Variants in MYLK4 observed in about 807,000 individuals in gnomAD.
The protein encoded by MYLK4 is myosin light chain kinase family member 4, also known as caMLCK like.
Under a neutral mutation model 48.1 loss-of-function variants are expected in MYLK4, and 46 were observed. The observed-to-expected ratio is 0.96, with a 90% CI of 0.75 to 1.22. The LOEUF (loss-of-function observed/expected upper bound fraction) is 1.22, where lower values mean the gene tolerates loss of function less well. MYLK4 is among the 50% of genes most tolerant of loss of function. The pLI is 0.00. For synonymous variants in MYLK4, 170 were observed against 180.8 expected (o/e 0.94, Z 0.48); for missense variants, 451 against 486.1 (o/e 0.93, Z 0.68).
chr6:2,682,941 C>T, intron 7 of MYLK4, 80 bp downstream of exon 7: 1 of 1,501,624 alleles, frequency 6.7e-7, no homozygotes, highest in Non-Finnish European at 9.2e-7. Flanking sequence ...ATTTCCCCAG[C>T]TGGCATATAA....
At chr6:2,697,788 A>G (rs1176159791) in intron 2 of MYLK4, among the ~76,000 whole-genome samples, 1 of 152,178 alleles carries the variant, frequency 6.6e-6, no homozygotes, top group Non-Finnish European at 1.5e-5. Context: ...AGCGTTCTCA[A>G]TGTGTCTGTC....
intron 3 of MYLK4, among the ~76,000 whole-genome samples, chr6:2,690,908 C>A (rs542622589): frequency 3.4e-5 from 5 of 145,524 alleles, no homozygotes; most frequent in Admixed American, 1.4e-4. Context: ...CGGCTCACTG[C>A]AAGCTCCGCC....
At chr6:2,699,287 C>CTTTTCTTTTTTTTTTTTTTT (rs1193027641) in intron 2 of MYLK4, among the ~76,000 whole-genome samples, 1 of 77,896 alleles carries the variant, frequency 1.3e-5, no homozygotes, top group African/African-American at 5.5e-5. Flanking sequence ...CTTTTCTTTT[C>CTTTTCTTTTTTTTTTTTTTT]TTTTTTTTTT....
In MYLK4 at chr6:2,741,195, G is replaced by A. The variant is rs539839376; in HGVS notation, c.159+7941C>T. 5.1e-4 allele frequency among the ~76,000 whole-genome samples: 77 copies of A among 152,232 alleles called. 3 individuals are homozygous for A. The Middle Eastern group carries it at 0.014, about 27-fold the overall frequency. On this transcript the variant is annotated intron_variant, in intron 2 of 12. Transcript: ENST00000274643. ...GAAAAAAAGATCTGGGAAACTAATA[G>A]ATAAATGTGCCTTTTATAACCATTA...
intron 2 of MYLK4, among the ~76,000 whole-genome samples, chr6:2,728,812 T>C (rs774048524): frequency 2.0e-4 from 31 of 152,176 alleles, no homozygotes; most frequent in Middle Eastern, 3.2e-3. Context: ...AATAACAGGG[T>C]CCCTGGCATC....
intron 7 of MYLK4, among the ~76,000 whole-genome samples, chr6:2,680,921 C>T (rs1761275257): frequency 6.6e-6 from 1 of 152,104 alleles, no homozygotes; most frequent in Non-Finnish European, 1.5e-5. Context: ...TGGAGCTAGG[C>T]CCTGGTAAGA....
At chr6:2,741,488 G>A (rs1371384236) in intron 2 of MYLK4, among the ~76,000 whole-genome samples, 1 of 152,150 alleles carries the variant, frequency 6.6e-6, no homozygotes, top group Admixed American at 6.5e-5. Context: ...TGTGCATTTG[G>A]TCAAGGACAC....
chr6:2,720,038 T>G (rs1019928560), intron 2 of MYLK4, among the ~76,000 whole-genome samples: 6 of 152,108 alleles, frequency 3.9e-5, no homozygotes, highest in African/African-American at 1.4e-4. Flanking sequence ...TCCTTAGAAT[T>G]TTTAAAGATT....
Position 2,673,789 on chromosome 6 carries a change from G to A in MYLK4, c.1119+1258C>T, listed in dbSNP as rs1018744228. Reference sequence around the variant, plus strand: ...AGGCAGAGAAGCCAGTTAGGAGGCTGCAGTCACTCAGGGGAGGCATGTCCC... The same window carrying A: ...AGGCAGAGAAGCCAGTTAGGAGGCTACAGTCACTCAGGGGAGGCATGTCCC... On this transcript the variant is annotated intron_variant, in intron 11 of 12. Transcript: ENST00000274643. The surrounding 1 kb of genome is among the most constrained non-coding windows in gnomAD (Gnocchi z 4.2). Among the ~76,000 whole-genome samples the A allele has an allele frequency of 2.0e-5, 3 of 152,250 alleles. No homozygotes were observed. The highest frequency in any genetic ancestry group is 4.8e-5 in the African/African-American group (2 of 41,466).
intron 9 of MYLK4, 125 bp from the exon 10 acceptor site, chr6:2,678,497 A>G (rs925259988): frequency 9.6e-7 from 1 of 1,043,200 alleles, no homozygotes; most frequent in Non-Finnish European, 1.4e-6. Context: ...CTGAAGCATA[A>G]TTTTATAACA....
chr6:2,733,923 G>A (rs1227793024), intron 2 of MYLK4, among the ~76,000 whole-genome samples: 1 of 152,006 alleles, frequency 6.6e-6, no homozygotes, highest in African/African-American at 2.4e-5. Context: ...TATCTACAGT[G>A]GTTCTCATCC....
At chr6:2,768,379 A>G in the MYLK4 span, among the ~76,000 whole-genome samples, 1 of 152,196 alleles carries the variant, frequency 6.6e-6, no homozygotes, top group African/African-American at 2.4e-5. Flanking sequence ...AAATCAAGAC[A>G]GCCGTTCTTT....
chr6:2,728,732 T>C (rs1255062915), intron 2 of MYLK4, among the ~76,000 whole-genome samples: 2 of 152,224 alleles, frequency 1.3e-5, no homozygotes, highest in African/African-American at 4.8e-5. Context: ...TTCACCAACC[T>C]GGAAACCAAG....
At chr6:2,686,334 A>T (rs962779833) in intron 4 of MYLK4, among the ~76,000 whole-genome samples, 10 of 152,224 alleles carry the variant, frequency 6.6e-5, no homozygotes, top group Non-Finnish European at 1.3e-4. Flanking sequence ...ATATAAAATT[A>T]TTTTTGGAAA....
chr6:2,735,501 A>G (rs1763639133), intron 2 of MYLK4, among the ~76,000 whole-genome samples: 1 of 152,250 alleles, frequency 6.6e-6, no homozygotes, highest in African/African-American at 2.4e-5. Flanking sequence ...CCTCACTTCT[A>G]AGACATCAAA....
In MYLK4 at chr6:2,685,242, C is replaced by T. The variant is rs565710967; in HGVS notation, c.545+54G>A. The T allele has an allele frequency of 4.4e-6, 6 of 1,360,452 alleles. No individual in the cohort carries two copies. In the East Asian group the frequency reaches 1.4e-4, roughly 32 times the overall value. 84.3% of individuals were successfully genotyped at this position (1,360,452 alleles called of 1,614,324 possible). The stretch of plus-strand genomic sequence containing the variant: ...CAGGACGGAGCTACTGAGGCACGGT[C>T]ACGGTCATGAGTGCCCTTGGGGAGG... On this transcript the variant is annotated intron_variant, in intron 6 of 12. Transcript: ENST00000274643. The surrounding 1 kb of genome is among the most constrained non-coding windows in gnomAD (Gnocchi z 4.5).
chr6:2,736,600 T>C (rs1040538639), intron 2 of MYLK4, among the ~76,000 whole-genome samples: 1 of 152,274 alleles, frequency 6.6e-6, no homozygotes, highest in African/African-American at 2.4e-5. Flanking sequence ...TAAGTCATTA[T>C]GTTATGGTGA....
intron 2 of MYLK4, among the ~76,000 whole-genome samples, chr6:2,726,516 C>A (rs1763279933): frequency 6.6e-6 from 1 of 151,900 alleles, no homozygotes; most frequent in African/African-American, 2.4e-5. Flanking sequence ...GTTGTTAGGT[C>A]ATTACCAAAT....
At chr6:2,770,076 C>G in the MYLK4 span, 27 of 1,610,766 alleles carry the variant, frequency 1.7e-5, no homozygotes, top group East Asian at 5.1e-4. Context: ...CTGCAGGTGG[C>G]TGTTGACTGG....
Sources: allele counts gnomAD v4.1 joint callset (sites outside exome capture counted in the v4.1 genomes callset), GRCh38; gene constraint gnomAD v4.1.1; non-coding constraint Gnocchi (gnomAD v3.1); transcripts MANE v1.5; gene names NCBI Gene and HGNC (gene_info 2026-07-23, HGNC 2026-07-21).